CDH13: variants seen among roughly 807,000 people sequenced by gnomAD.
The protein encoded by CDH13 is cadherin-13.
CDH13 carries 24 observed loss-of-function variants against 63.8 expected under a neutral mutation model. The observed-to-expected ratio is 0.38, with a 90% confidence interval of 0.27 to 0.53. CDH13 has a LOEUF of 0.53. CDH13 is among the 20% of genes least tolerant of loss of function. CDH13 has a pLI of 0.85. For synonymous variants in CDH13, 503 were observed against 355.3 expected, an observed-to-expected ratio of 1.42 and a Z score of -4.67; for missense variants, 1,049 against 903.1, an observed-to-expected ratio of 1.16 and a Z score of -2.07.
At chr16:83,441,648 G>C (rs138933335) in intron 6 of CDH13, among the ~76,000 whole-genome samples, 1 of 152,034 alleles carries the variant, frequency 6.6e-6, no homozygotes, top group East Asian at 1.9e-4. Flanking sequence ...TTCCTGATAC[G>C]GTTTATGACT....
chr16:83,001,674 T>G (rs1317929672), intron 2 of CDH13, among the ~76,000 whole-genome samples: 3 of 152,238 alleles, frequency 2.0e-5, no homozygotes, highest in Non-Finnish European at 4.4e-5. Context: ...GCTTCTCTTG[T>G]CAGAAGGGGT....
chr16:83,030,934 T>G (rs1438137997), intron 2 of CDH13, among the ~76,000 whole-genome samples: 2 of 151,912 alleles, frequency 1.3e-5, no homozygotes, highest in Admixed American at 1.3e-4. Flanking sequence ...ACATATGGAC[T>G]ATTCCATATG....
chr16:83,065,743 CAA>C (rs902547699), intron 3 of CDH13, among the ~76,000 whole-genome samples: 1 of 137,052 alleles, frequency 7.3e-6, no homozygotes, highest in African/African-American at 2.7e-5. Context: ...AAAAAAAAAA[CAA>C]GACTACTTTT....
intron 6 of CDH13, among the ~76,000 whole-genome samples, chr16:83,454,777 G>A (rs371786412): frequency 1.1e-4 from 17 of 152,084 alleles, no homozygotes; most frequent in African/African-American, 3.6e-4. Context: ...CATGATCTCA[G>A]CTCACTGCAA....
chr16:82,794,437 T>C (rs1009634007), intron 1 of CDH13, among the ~76,000 whole-genome samples: 1 of 150,840 alleles, frequency 6.6e-6, no homozygotes, highest in Non-Finnish European at 1.5e-5. Context: ...TTTTCTCCCT[T>C]GAGAGGGAAA....
intron 2 of CDH13, among the ~76,000 whole-genome samples, chr16:83,022,735 A>G (rs995203392): frequency 5.9e-5 from 9 of 152,136 alleles, no homozygotes; most frequent in African/African-American, 1.7e-4. Flanking sequence ...CTGACCATCC[A>G]CTCTGAAAGG....
intron 1 of CDH13, among the ~76,000 whole-genome samples, chr16:82,736,355 A>G (rs2033673136): frequency 6.6e-6 from 1 of 152,162 alleles, no homozygotes; most frequent in African/African-American, 2.4e-5. Context: ...AAAAAACAGA[A>G]CTTCTTAAAG....
chr16:83,312,293 T>A (rs1196281650), intron 5 of CDH13, among the ~76,000 whole-genome samples: 1 of 152,072 alleles, frequency 6.6e-6, no homozygotes, highest in Non-Finnish European at 1.5e-5. Flanking sequence ...CAGAGTTCTG[T>A]GATTGAAGGA....
At chr16:82,770,479 AT>A (rs1223531861) in intron 1 of CDH13, among the ~76,000 whole-genome samples, 2 of 152,124 alleles carry the variant, frequency 1.3e-5, no homozygotes, top group African/African-American at 4.8e-5. Flanking sequence ...TAGTTTTTTT[AT>A]AGTTTGACTC....
At chr16:83,608,158 G>T (rs1387280650) in intron 8 of CDH13, among the ~76,000 whole-genome samples, 1 of 152,050 alleles carries the variant, frequency 6.6e-6, no homozygotes, top group Non-Finnish European at 1.5e-5. Context: ...GGACTTTTTG[G>T]CAATTCAATG....
Position 82,957,943 on chromosome 16 carries a change from C to T in CDH13, c.158-74067C>T, listed in dbSNP as rs1036539522. ...GTGTTTATTTCTTCATAAGGCAAGA[C>T]AAAAGGAGTCCTGTGGAAGACGCCT... On this transcript the variant is annotated intron_variant, in intron 2 of 13. Transcript: ENST00000567109. Among the ~76,000 whole-genome samples the T allele has an allele frequency of 2.6e-5, 4 of 152,186 alleles. No homozygotes were observed. The East Asian group carries it at 7.7e-4, about 29-fold the overall frequency.
At chr16:83,696,130 A>T (rs1029139634) in intron 10 of CDH13, among the ~76,000 whole-genome samples, 1 of 152,090 alleles carries the variant, frequency 6.6e-6, no homozygotes, top group Non-Finnish European at 1.5e-5. Context: ...GGCTCAAGCA[A>T]TCCACTCGCT....
At chr16:82,772,888 T>C (rs988770690) in intron 1 of CDH13, among the ~76,000 whole-genome samples, 2 of 152,100 alleles carry the variant, frequency 1.3e-5, no homozygotes, top group Non-Finnish European at 2.9e-5. Context: ...GTACACATGG[T>C]TGTGGGGGCA....
intron 2 of CDH13, among the ~76,000 whole-genome samples, chr16:82,924,941 T>C (rs988485495): frequency 6.6e-6 from 1 of 151,984 alleles, no homozygotes; most frequent in Admixed American, 6.6e-5. Flanking sequence ...GAAAAAAAAA[T>C]AGATGTTTAT....
chr16:83,560,321 C>T (rs1038118570), intron 7 of CDH13, among the ~76,000 whole-genome samples: 1 of 152,188 alleles, frequency 6.6e-6, no homozygotes, highest in African/African-American at 2.4e-5. Flanking sequence ...ATAGATAATG[C>T]AATGGAACAC....
intron 8 of CDH13, among the ~76,000 whole-genome samples, chr16:83,644,167 T>C (rs1911574589): frequency 6.6e-6 from 1 of 152,246 alleles, no homozygotes; most frequent in Non-Finnish European, 1.5e-5. Flanking sequence ...GATGTGTCCC[T>C]TGAATGGCCC....
intron 5 of CDH13, among the ~76,000 whole-genome samples, chr16:83,223,626 A>C (rs1231597500): frequency 6.6e-6 from 1 of 152,204 alleles, no homozygotes; most frequent in Non-Finnish European, 1.5e-5. Context: ...CTGATCTGCA[A>C]AGCACAGCTG....
At chr16:83,727,474 C>A (rs1910544448) in intron 10 of CDH13, among the ~76,000 whole-genome samples, 1 of 151,744 alleles carries the variant, frequency 6.6e-6, no homozygotes. Context: ...AGCACATCTT[C>A]TTCTGCTTGC....
At chr16:83,585,286 A>T (rs558953956) in intron 7 of CDH13, among the ~76,000 whole-genome samples, 2 of 152,268 alleles carry the variant, frequency 1.3e-5, no homozygotes, top group East Asian at 1.9e-4. Context: ...CCATCTCAGG[A>T]TATGGCAAAG....
Sources: allele counts gnomAD v4.1 joint callset (sites outside exome capture counted in the v4.1 genomes callset), GRCh38; gene constraint gnomAD v4.1.1; transcripts MANE v1.5; gene names NCBI Gene and HGNC (gene_info 2026-07-23, HGNC 2026-07-21).